Variants in ELSPBP1 observed in about 807,000 individuals in gnomAD.
The protein encoded by ELSPBP1 is epididymal sperm binding protein 1, also known as epididymal sperm-binding protein 1.
A neutral mutation model predicts 33.3 loss-of-function variants in ELSPBP1; 38 were observed. That is an observed-to-expected ratio of 1.14 (90% CI 0.88 to 1.50). ELSPBP1 has a LOEUF of 1.50. ELSPBP1 is among the 40% of genes most tolerant of loss of function. The pLI is 0.00. For missense variants in ELSPBP1, 267 were observed against 263.5 expected (o/e 1.01, Z -0.09); for synonymous variants, 85 against 94.1 (o/e 0.90, Z 0.56).
At chr19:48,001,234 A>G (rs1429476271) in intron 1 of ELSPBP1, among the ~76,000 whole-genome samples, 1 of 149,596 alleles carries the variant, frequency 6.7e-6, no homozygotes. Context: ...GTGGTGGTGC[A>G]ATCTTGGCTC....
chr19:48,023,529 G>GGGGAAGAA (rs143871056), intron 6 of ELSPBP1, among the ~76,000 whole-genome samples: 1 of 106,810 alleles, frequency 9.4e-6, no homozygotes, highest in African/African-American at 3.4e-5. Flanking sequence ...GGAAGGAAGG[G>GGGGAAGAA]AGGAAGGAAA....
chr19:48,003,404 C>T (rs1267303570), intron 1 of ELSPBP1, among the ~76,000 whole-genome samples: 1 of 151,878 alleles, frequency 6.6e-6, no homozygotes, highest in Non-Finnish European at 1.5e-5. Context: ...GTGGCTTCTG[C>T]AGGAAACAAC....
At chr19:48,018,816 T>C (rs1424144633) in intron 4 of ELSPBP1, among the ~76,000 whole-genome samples, 3 of 152,042 alleles carry the variant, frequency 2.0e-5, no homozygotes, top group East Asian at 1.9e-4. Context: ...AGCCTGCTAA[T>C]TAGGCAAGAC....
At chr19:48,012,343 C>T (rs542659507) in intron 2 of ELSPBP1, among the ~76,000 whole-genome samples, 3 of 151,854 alleles carry the variant, frequency 2.0e-5, no homozygotes, top group Non-Finnish European at 2.9e-5. Context: ...GTTGCTCAGG[C>T]GGGTCTTGAA....
intron 1 of ELSPBP1, among the ~76,000 whole-genome samples, chr19:47,996,021 G>A (rs1568401854): frequency 6.6e-6 from 1 of 152,190 alleles, no homozygotes; most frequent in African/African-American, 2.4e-5. Flanking sequence ...TCCATGTTGG[G>A]TGGTAGATAT....
Position 48,011,355 on chromosome 19 carries a change from A to G in ELSPBP1, c.70+2618A>G, listed in dbSNP as rs62652781. ...ACTGATGATGATGACAATTATGACG[A>G]TGATGATGATGATGGTGACAATGAT... On this transcript the variant is annotated intron_variant, in intron 2 of 6. Coordinates refer to ENST00000339841, the MANE Select transcript of ELSPBP1 (RefSeq NM_022142.5). The surrounding 1 kb of genome is among the most constrained non-coding windows in gnomAD (Gnocchi z 4.5). Among the ~76,000 whole-genome samples, 25,339 of 151,624 alleles carry G rather than the reference A, an allele frequency of 0.17. 2,174 individuals are homozygous for G. Among genetic ancestry groups the G allele is most frequent in the South Asian group, 0.23 (1,086 of 4,790 alleles).
intron 3 of ELSPBP1, among the ~76,000 whole-genome samples, chr19:48,015,663 A>C (rs1292504656): frequency 6.6e-6 from 1 of 152,090 alleles, no homozygotes; most frequent in East Asian, 1.9e-4. Context: ...GTCTCGAAAA[A>C]AAGAAAAGAA....
chr19:48,001,673 G>A lies in ELSPBP1; in HGVS notation c.-18+6862G>A, dbSNP rs537179687. ...TCCTCCTGCCTCAGCCTCTTGAGTA[G>A]ACAGGACTACAGGCATGTGCCACCA... On this transcript the variant is annotated intron_variant, in intron 1 of 6. Coordinates refer to ENST00000339841, the MANE Select transcript of ELSPBP1 (RefSeq NM_022142.5). 5.9e-5 allele frequency among the ~76,000 whole-genome samples: 9 copies of A among 152,106 alleles called. No individual in the cohort carries two copies. The South Asian group carries it at 1.7e-3, about 28-fold the overall frequency.
intron 1 of ELSPBP1, among the ~76,000 whole-genome samples, chr19:48,002,770 G>A (rs767624290): frequency 3.3e-5 from 5 of 150,916 alleles, no homozygotes; most frequent in Non-Finnish European, 7.4e-5. Flanking sequence ...CCAGCTTGGG[G>A]TGCAGAGCAA....
chr19:48,011,168 TGAG>T lies in ELSPBP1; in HGVS notation c.70+2437_70+2439del, dbSNP rs1318767110. 3.5e-5 allele frequency among the ~76,000 whole-genome samples: 5 copies of T among 140,962 alleles called. No homozygotes were observed. The highest frequency in any genetic ancestry group is 7.4e-5 in the Admixed American group (1 of 13,440). 92.5% of individuals were successfully genotyped at this position (140,962 alleles called of 152,430 possible). A position where few individuals can be genotyped will look rare whatever the true frequency, so the allele number is the denominator to read the frequency against. On this transcript the variant is annotated intron_variant, in intron 2 of 6. Transcript: ENST00000339841. The surrounding 1 kb of genome is among the most constrained non-coding windows in gnomAD (Gnocchi z 4.5). ...GATAATGATTATGACAATGATGTGATGAGGAGGAAAATAATGATTACAATAATG... is the reference window on the plus strand; with the variant it reads ...GATAATGATTATGACAATGATGTGATGAGGAAAATAATGATTACAATAATG...
intron 4 of ELSPBP1, among the ~76,000 whole-genome samples, chr19:48,018,475 T>C (rs894694686): frequency 3.3e-5 from 5 of 152,238 alleles, no homozygotes. Context: ...TATGTGATCT[T>C]GGACACATTA....
intron 1 of ELSPBP1, among the ~76,000 whole-genome samples, chr19:48,004,817 C>T (rs1967001149): frequency 6.6e-6 from 1 of 152,238 alleles, no homozygotes; most frequent in Non-Finnish European, 1.5e-5. Context: ...TTACCCACTG[C>T]TGCATACTCA....
At chr19:48,024,410 G>A (rs1967248549) in intron 6 of ELSPBP1, among the ~76,000 whole-genome samples, 1 of 152,168 alleles carries the variant, frequency 6.6e-6, no homozygotes, top group Admixed American at 6.5e-5. Context: ...TTCATCAGAT[G>A]TGTAGACAAA....
intron 4 of ELSPBP1, among the ~76,000 whole-genome samples, chr19:48,018,320 T>C (rs2122329511): frequency 6.6e-6 from 1 of 152,206 alleles, no homozygotes; most frequent in East Asian, 1.9e-4. Flanking sequence ...AAGACTGGAG[T>C]TTATTTTCAT....
chr19:47,999,387 C>CTTTTTT lies in ELSPBP1; in HGVS notation c.-18+4590_-18+4595dup, dbSNP rs397937280. Among the ~76,000 whole-genome samples the CTTTTTT allele has an allele frequency of 1.2e-4, 16 of 129,952 alleles. 1 individual carries two copies. Among genetic ancestry groups the CTTTTTT allele is most frequent in the South Asian group, 2.4e-4 (1 of 4,132 alleles). 85.3% of individuals were successfully genotyped at this position (129,952 alleles called of 152,430 possible). ...CCACCCCATACTGAAAGCCTCATTT[C>CTTTTTT]TTTTTTTTTTTTTTTTTTTGAGAAA... is the stretch of plus-strand genomic sequence containing the variant. On this transcript the variant is annotated intron_variant, in intron 1 of 6. Coordinates refer to ENST00000339841, the MANE Select transcript of ELSPBP1 (RefSeq NM_022142.5).
chr19:48,024,878 T>C (rs971711827), intron 6 of ELSPBP1, 74 bp from the exon 7 acceptor site: 6 of 152,262 alleles, frequency 3.9e-5, no homozygotes, highest in African/African-American at 1.4e-4. Context: ...TACAAAGTCA[T>C]TTTTAATTCA....
chr19:48,020,526 C>T (rs942788668), intron 5 of ELSPBP1, among the ~76,000 whole-genome samples: 2 of 152,166 alleles, frequency 1.3e-5, no homozygotes, highest in Admixed American at 6.5e-5. Flanking sequence ...CCACAAATGA[C>T]CACAGAAGCG....
chr19:48,008,629 A>C, intron 1 of ELSPBP1, 22 bp from the exon 2 acceptor site: 1 of 1,594,998 alleles, frequency 6.3e-7, no homozygotes, highest in Non-Finnish European at 8.6e-7. Context: ...TGGGATGAAA[A>C]TTTTTGTCTT....
chr19:48,024,187 C>G (rs948860468), intron 6 of ELSPBP1, among the ~76,000 whole-genome samples: 14 of 151,898 alleles, frequency 9.2e-5, no homozygotes, highest in African/African-American at 3.1e-4. Context: ...CCTGGCCTAT[C>G]CCTCCTTTTC....
Sources: gnomAD v4.1 joint callset for allele counts (sites outside exome capture counted in the v4.1 genomes callset) on GRCh38, gnomAD v4.1.1 for gene constraint, Gnocchi (gnomAD v3.1) non-coding constraint, MANE v1.5 for transcripts, NCBI Gene and HGNC (gene_info 2026-07-23, HGNC 2026-07-21) for gene names.